The following CCSER1 variants were observed in gnomAD, a reference collection of about 807,000 sequenced individuals.
The protein encoded by CCSER1 is coiled-coil serine rich protein 1, also known as serine-rich coiled-coil domain-containing protein 1.
Under a neutral mutation model 82.0 loss-of-function variants are expected in CCSER1, and 41 were observed. That is an observed-to-expected ratio of 0.50 (90% CI 0.39 to 0.65). The LOEUF (loss-of-function observed/expected upper bound fraction) is 0.65, where lower values mean the gene tolerates loss of function less well. CCSER1 is among the 30% of genes least tolerant of loss of function. The probability of loss-of-function intolerance (pLI) is 0.00; values close to 1 mark genes in which losing one functional copy is unlikely to be tolerated. For missense variants in CCSER1, 1,119 were observed against 1,064.2 expected (o/e 1.05, Z -0.72); for synonymous variants, 414 against 383.9 (o/e 1.08, Z -0.92).
chr4:91,450,138 C>T (rs922051189), intron 10 of CCSER1, among the ~76,000 whole-genome samples: 1 of 151,956 alleles, frequency 6.6e-6, no homozygotes, highest in Non-Finnish European at 1.5e-5. Context: ...CAGGATGGGT[C>T]GTCATGCTGT....
At chr4:90,490,220 G>T (rs1253877272) in intron 5 of CCSER1, among the ~76,000 whole-genome samples, 1 of 152,080 alleles carries the variant, frequency 6.6e-6, no homozygotes, top group African/African-American at 2.4e-5. Flanking sequence ...CATTCTAACT[G>T]GTGTGAGATG....
chr4:91,037,882 A>AT (rs369530513), intron 9 of CCSER1, among the ~76,000 whole-genome samples: 150 of 152,248 alleles, frequency 9.9e-4, no homozygotes, highest in Non-Finnish European at 1.5e-3. Flanking sequence ...TTTCTGAAAC[A>AT]TACATATGCA....
chr4:91,371,444 T>A lies in CCSER1; in HGVS notation c.2218-227128T>A, dbSNP rs1338023073. ...TCTTTTTTTCTATTTTTCATGTACC[T>A]GGCTTACTTCACTTAACATAATGTC... On this transcript the variant is annotated intron_variant, in intron 10 of 10. Transcript: ENST00000509176. Among the ~76,000 whole-genome samples the A allele has an allele frequency of 3.3e-5, 5 of 152,180 alleles. No individual in the cohort carries two copies. In the East Asian group the frequency reaches 9.6e-4, roughly 29 times the overall value.
intron 7 of CCSER1, among the ~76,000 whole-genome samples, chr4:90,737,158 G>A (rs922314905): frequency 1.3e-5 from 2 of 151,986 alleles, no homozygotes; most frequent in Admixed American, 6.6e-5. Flanking sequence ...CCATAGTTAC[G>A]GTGTTATAAT....
chr4:90,901,228 T>TC (rs1724610136), intron 8 of CCSER1, among the ~76,000 whole-genome samples: 1 of 151,884 alleles, frequency 6.6e-6, no homozygotes, highest in Non-Finnish European at 1.5e-5. Flanking sequence ...GTTGGGTCTC[T>TC]CTTTTTTTTT....
At chr4:91,152,681 GCTTC>G (rs750778288) in intron 10 of CCSER1, among the ~76,000 whole-genome samples, 3 of 152,078 alleles carry the variant, frequency 2.0e-5, no homozygotes, top group Non-Finnish European at 4.4e-5. Context: ...CATGTTTAGT[GCTTC>G]CTTCAGGAGC....
At chr4:91,272,156 T>C (rs1742084780) in intron 10 of CCSER1, among the ~76,000 whole-genome samples, 1 of 152,214 alleles carries the variant, frequency 6.6e-6, no homozygotes, top group East Asian at 1.9e-4. Context: ...GTTCTACTTT[T>C]AGTTCTTTAA....
chr4:90,323,592 T>A (rs1186055652), intron 3 of CCSER1, among the ~76,000 whole-genome samples: 3 of 152,124 alleles, frequency 2.0e-5, no homozygotes, highest in Non-Finnish European at 4.4e-5. Context: ...GCTCACAAAT[T>A]TTCTGTCTGT....
At chr4:91,130,590 A>G (rs1221304164) in intron 10 of CCSER1, among the ~76,000 whole-genome samples, 2 of 151,878 alleles carry the variant, frequency 1.3e-5, no homozygotes, top group Non-Finnish European at 2.9e-5. Flanking sequence ...TGTAATGAAA[A>G]GTTACATATA....
intron 1 of CCSER1, among the ~76,000 whole-genome samples, chr4:90,226,941 T>C (rs577221260): frequency 2.4e-4 from 36 of 152,374 alleles, no homozygotes; most frequent in Middle Eastern, 3.4e-3. Flanking sequence ...GTTGTCTTTT[T>C]GGCAGAGTGC....
At chr4:91,304,249 C>A (rs1295641901) in intron 10 of CCSER1, among the ~76,000 whole-genome samples, 1 of 151,822 alleles carries the variant, frequency 6.6e-6, no homozygotes, top group Non-Finnish European at 1.5e-5. Flanking sequence ...TTAAATAGAA[C>A]TGTTTAAAAG....
At chr4:90,447,657 T>C (rs1760841490) in intron 4 of CCSER1, among the ~76,000 whole-genome samples, 1 of 152,192 alleles carries the variant, frequency 6.6e-6, no homozygotes, top group South Asian at 2.1e-4. Flanking sequence ...GTATCTTGGT[T>C]TATATTGTGT....
rs546553195 is a variant in CCSER1 at position 91,039,251 on chromosome 4, C to T, written c.2173-46699C>T. Among the ~76,000 whole-genome samples, 7 of 151,682 alleles carry T rather than the reference C, an allele frequency of 4.6e-5. No individual in the cohort carries two copies. The East Asian group carries it at 1.2e-3, about 25-fold the overall frequency. ...GGAGACAGGGTCTCACTATGTTGCCCAGGCTGGTCTCAAACTCTTGTGCTC... is the reference window on the plus strand; with the variant it reads ...GGAGACAGGGTCTCACTATGTTGCCTAGGCTGGTCTCAAACTCTTGTGCTC... On this transcript the variant is annotated intron_variant, in intron 9 of 10. Transcript: ENST00000509176.
At chr4:91,235,242 T>G (rs1207580514) in intron 10 of CCSER1, among the ~76,000 whole-genome samples, 1 of 152,116 alleles carries the variant, frequency 6.6e-6, no homozygotes, top group African/African-American at 2.4e-5. Context: ...CATAGCAAAT[T>G]CATATGGATT....
intron 7 of CCSER1, among the ~76,000 whole-genome samples, chr4:90,765,159 A>C (rs528963587): frequency 6.6e-6 from 1 of 152,254 alleles, no homozygotes; most frequent in African/African-American, 2.4e-5. Context: ...ACTCTCTGCT[A>C]TGTCCTTAGA....
intron 10 of CCSER1, among the ~76,000 whole-genome samples, chr4:91,561,615 C>T (rs1265001042): frequency 6.6e-6 from 1 of 151,374 alleles, no homozygotes; most frequent in Admixed American, 6.6e-5. Context: ...AATTTAAGCC[C>T]CATGAGGGGA....
chr4:91,594,095 G>A lies in CCSER1; in HGVS notation c.2218-4477G>A, dbSNP rs113191257. On this transcript the variant is annotated intron_variant, in intron 10 of 10. Coordinates refer to ENST00000509176, the MANE Select transcript of CCSER1 (RefSeq NM_001145065.2). Reference sequence around the variant, plus strand: ...GCTAGCTGCATGACAACTAAATTGCGCAGAATCTGACATAATTACATGAGT... The same window carrying A: ...GCTAGCTGCATGACAACTAAATTGCACAGAATCTGACATAATTACATGAGT... Among the ~76,000 whole-genome samples, 1,347 of 151,884 alleles carry A rather than the reference G, an allele frequency of 8.9e-3. 7 individuals are homozygous for A. The highest frequency in any genetic ancestry group is 0.02 in the Middle Eastern group (6 of 294).
chr4:90,461,121 A>G (rs1328733771), intron 4 of CCSER1, among the ~76,000 whole-genome samples: 2 of 89,266 alleles, frequency 2.2e-5, no homozygotes, highest in Non-Finnish European at 3.8e-5. Flanking sequence ...GCTGGAGTGC[A>G]GTGGCGGGAT....
chr4:91,231,257 G>A (rs976931197), intron 10 of CCSER1, among the ~76,000 whole-genome samples: 10 of 151,886 alleles, frequency 6.6e-5, no homozygotes, highest in Non-Finnish European at 1.3e-4. Flanking sequence ...GCTCCACAAT[G>A]GAATATAATT....
Sources: gnomAD v4.1 joint callset for allele counts (sites outside exome capture counted in the v4.1 genomes callset) on GRCh38, gnomAD v4.1.1 for gene constraint, MANE v1.5 for transcripts, NCBI Gene and HGNC (gene_info 2026-07-23, HGNC 2026-07-21) for gene names.